The following PTPRD variants were observed in gnomAD, a reference collection of about 807,000 sequenced individuals.
The protein encoded by PTPRD is receptor-type tyrosine-protein phosphatase delta.
PTPRD carries 34 observed loss-of-function variants against 214.5 expected under a neutral mutation model. That is an observed-to-expected ratio of 0.16 (90% confidence interval 0.12 to 0.21). The LOEUF (loss-of-function observed/expected upper bound fraction) is 0.21. Ranked by LOEUF, PTPRD falls within the 10% of genes least tolerant of loss-of-function variation. PTPRD has a pLI of 1.00. For missense variants in PTPRD, 2,545 were observed against 2,398.7 expected (o/e 1.06, Z -1.27); for synonymous variants, 1,128 against 845.7 (o/e 1.33, Z -5.79).
intron 14 of PTPRD, among the ~76,000 whole-genome samples, chr9:8,616,737 G>A (rs943608496): frequency 6.6e-6 from 1 of 152,142 alleles, no homozygotes; most frequent in Admixed American, 6.6e-5. Context: ...CCTTTCAAGT[G>A]AGAGATAAAG....
At chr9:9,435,018 A>C (rs866318347) in intron 8 of PTPRD, among the ~76,000 whole-genome samples, 1 of 151,890 alleles carries the variant, frequency 6.6e-6, no homozygotes, top group South Asian at 2.1e-4. Flanking sequence ...AAGAGTATTT[A>C]AGAATCAAGT....
At chr9:8,353,230 C>G (rs1240545760) in intron 39 of PTPRD, among the ~76,000 whole-genome samples, 1 of 152,142 alleles carries the variant, frequency 6.6e-6, no homozygotes, top group Non-Finnish European at 1.5e-5. Context: ...TTGACTCCTG[C>G]AAGCTTTTAT....
Position 9,557,068 on chromosome 9 carries a change from A to G in PTPRD, c.-237+17664T>C, listed in dbSNP as rs144018164. ...TGAGTGTGAGAGATAACGTCCATCA[A>G]TGGAAGAAAAGTAGTATCCTTTCAG... On this transcript the variant is annotated intron_variant, in intron 8 of 45. Transcript: ENST00000381196. 8.7e-3 allele frequency among the ~76,000 whole-genome samples: 1,327 copies of G among 152,314 alleles called. 15 individuals are homozygous for G. Among genetic ancestry groups the G allele is most frequent in the African/African-American group, 0.03 (1,240 of 41,568 alleles).
At chr9:9,829,851 T>C (rs10978017) in intron 5 of PTPRD, among the ~76,000 whole-genome samples, 15,223 of 151,844 alleles carry the variant, frequency 0.1, 2,317 homozygotes, top group East Asian at 0.75. Context: ...TATTCTGTCA[T>C]CAAGCATTTG....
At chr9:8,743,460 A>C (rs2092366192) in intron 11 of PTPRD, among the ~76,000 whole-genome samples, 1 of 152,188 alleles carries the variant, frequency 6.6e-6, no homozygotes, top group Non-Finnish European at 1.5e-5. Flanking sequence ...AGAAATACTC[A>C]GTTTCAAGGA....
intron 9 of PTPRD, among the ~76,000 whole-genome samples, chr9:9,215,134 C>T (rs2099951315): frequency 6.6e-6 from 1 of 152,160 alleles, no homozygotes; most frequent in South Asian, 2.1e-4. Context: ...TACAACCTAG[C>T]AAAATTGGTC....
chr9:9,955,127 AC>A (rs1236080806), intron 4 of PTPRD, among the ~76,000 whole-genome samples: 1 of 152,224 alleles, frequency 6.6e-6, no homozygotes, highest in African/African-American at 2.4e-5. Context: ...AGAAAGCCTA[AC>A]AGCAATGTAG....
chr9:8,487,064 T>A (rs767586984), intron 27 of PTPRD, among the ~76,000 whole-genome samples: 1 of 152,208 alleles, frequency 6.6e-6, no homozygotes, highest in Non-Finnish European at 1.5e-5. Context: ...TTTCTAACTT[T>A]ACTATCCACA....
At chr9:8,695,593 A>G (rs1174113530) in intron 12 of PTPRD, among the ~76,000 whole-genome samples, 2 of 152,206 alleles carry the variant, frequency 1.3e-5, no homozygotes, top group South Asian at 2.1e-4. Flanking sequence ...GGTAAGTTGC[A>G]TAAATGATTA....
intron 39 of PTPRD, among the ~76,000 whole-genome samples, chr9:8,353,785 A>G (rs1011354989): frequency 6.8e-6 from 1 of 147,086 alleles, no homozygotes; most frequent in African/African-American, 2.6e-5. Flanking sequence ...ATTCGTATAC[A>G]TATACAAATT....
At chr9:9,209,145 G>C (rs1182165447) in intron 9 of PTPRD, among the ~76,000 whole-genome samples, 1 of 152,042 alleles carries the variant, frequency 6.6e-6, no homozygotes, top group Admixed American at 6.6e-5. Context: ...TCCCACCAAT[G>C]ATGTAGTTTC....
intron 3 of PTPRD, among the ~76,000 whole-genome samples, chr9:10,241,645 T>C (rs758965411): frequency 6.6e-6 from 1 of 151,978 alleles, no homozygotes; most frequent in South Asian, 2.1e-4. Context: ...GCAACTACTT[T>C]ACAGTGAGAA....
At chr9:8,407,667 A>G (rs966861273) in intron 35 of PTPRD, among the ~76,000 whole-genome samples, 2 of 152,220 alleles carry the variant, frequency 1.3e-5, no homozygotes, top group African/African-American at 4.8e-5. Flanking sequence ...GGGCAATTAC[A>G]TAAGAAATCA....
Position 8,509,462 on chromosome 9 carries a change from A to G in PTPRD, c.1544-2028T>C, listed in dbSNP as rs539062479. ...TCTTTCTTTCTCCCAATTTCCTGGG[A>G]AACAAGAAAGTTTGTGTTAACTCCT... On this transcript the variant is annotated intron_variant, in intron 21 of 45. Transcript: ENST00000381196. Among the ~76,000 whole-genome samples the G allele has an allele frequency of 1.9e-3, 282 of 152,188 alleles. 1 individual carries two copies. Among genetic ancestry groups the G allele is most frequent in the African/African-American group, 6.3e-3 (263 of 41,516 alleles).
At chr9:9,216,561 A>AAT (rs1372829380) in intron 9 of PTPRD, among the ~76,000 whole-genome samples, 1 of 152,142 alleles carries the variant, frequency 6.6e-6, no homozygotes. Flanking sequence ...GTTCAGAGTG[A>AAT]AGTTAGAGTG....
At position 8,733,773 on chromosome 9, in the gene PTPRD, G is replaced by T. The variant is rs1246276284; in HGVS notation, c.64+7C>A. 8 of 1,552,076 alleles carry T rather than the reference G, an allele frequency of 5.2e-6. No homozygotes were observed. Among genetic ancestry groups the T allele is most frequent in the African/African-American group, 1.4e-5 (1 of 73,086 alleles). ...ACAGCCCCCTAGAGAAGGGGAGAAT[G>T]GCTTACTCTCAGCATCCGTGCGGAG... is the stretch of plus-strand genomic sequence containing the variant. On this transcript the variant is annotated splice_region_variant and intron_variant, in intron 12 of 45. Coordinates refer to ENST00000381196, the MANE Select transcript of PTPRD (RefSeq NM_002839.4).
intron 2 of PTPRD, among the ~76,000 whole-genome samples, chr9:10,425,118 T>G (rs1379726761): frequency 6.6e-6 from 1 of 151,964 alleles, no homozygotes; most frequent in Admixed American, 6.6e-5. Context: ...AGAGTCTTGG[T>G]GTTCATGCTA....
chr9:9,821,836 A>G (rs2050844817), intron 5 of PTPRD, among the ~76,000 whole-genome samples: 1 of 151,438 alleles, frequency 6.6e-6, no homozygotes, highest in South Asian at 2.1e-4. Context: ...TTTCACTTAA[A>G]ACTTCCAAAA....
intron 9 of PTPRD, among the ~76,000 whole-genome samples, chr9:9,333,788 A>C (rs531631289): frequency 6.6e-6 from 1 of 151,988 alleles, no homozygotes; most frequent in East Asian, 1.9e-4. Flanking sequence ...GAAAACACTA[A>C]TTTGTAGATG....
Sources: gnomAD v4.1 joint callset for allele counts (sites outside exome capture counted in the v4.1 genomes callset) on GRCh38, gnomAD v4.1.1 for gene constraint, MANE v1.5 for transcripts, NCBI Gene and HGNC (gene_info 2026-07-23, HGNC 2026-07-21) for gene names.